The following RNF130 variants were observed in gnomAD, a reference collection of about 807,000 sequenced individuals.
The protein encoded by RNF130 is E3 ubiquitin-protein ligase RNF130.
In RNF130, 21 loss-of-function variants were observed where a neutral mutation model predicts 44.6. The ratio of observed to expected loss-of-function variants is 0.47; its 90% confidence interval spans 0.33 to 0.68. The LOEUF (loss-of-function observed/expected upper bound fraction) is 0.68. RNF130 is among the 30% of genes least tolerant of loss of function. RNF130 has a pLI of 0.02. For missense variants in RNF130, 479 were observed against 560.6 expected, an observed-to-expected ratio of 0.85 and a Z score of 1.47; for synonymous variants, 214 against 210.4, an observed-to-expected ratio of 1.02 and a Z score of -0.15.
chr5:180,016,357 T>C (rs1288047764), intron 2 of RNF130, among the ~76,000 whole-genome samples: 1 of 69,036 alleles, frequency 1.4e-5, no homozygotes, highest in Non-Finnish European at 3.0e-5. Context: ...CCAAAGGAAA[T>C]GTAGGCTTCA....
intron 5 of RNF130, 35 bp downstream of exon 5, chr5:179,978,168 T>C (rs757231867): frequency 1.3e-6 from 2 of 1,537,854 alleles, no homozygotes; most frequent in Non-Finnish European, 1.8e-6. Context: ...AGCACATTAA[T>C]ATCATTCTTT....
chr5:180,030,637 A>C (rs1392928446), intron 2 of RNF130, among the ~76,000 whole-genome samples: 1 of 152,128 alleles, frequency 6.6e-6, no homozygotes, highest in Non-Finnish European at 1.5e-5. Context: ...TCTCCGATGT[A>C]GCTGGGATTA....
chr5:180,016,719 C>G (rs1315125661), intron 2 of RNF130, among the ~76,000 whole-genome samples: 1 of 152,232 alleles, frequency 6.6e-6, no homozygotes, highest in Non-Finnish European at 1.5e-5. Context: ...TTTCCACTTT[C>G]ATCCTGAGAA....
chr5:180,066,219 C>G (rs1235637544), intron 1 of RNF130, among the ~76,000 whole-genome samples: 1 of 152,164 alleles, frequency 6.6e-6, no homozygotes, highest in Non-Finnish European at 1.5e-5. Context: ...CCATACTATT[C>G]TCGTGATAGT....
chr5:179,946,585 G>A (rs1432081394), intron 7 of RNF130, among the ~76,000 whole-genome samples: 14 of 144,760 alleles, frequency 9.7e-5, no homozygotes, highest in African/African-American at 2.1e-4. Context: ...ACGGAGTCTC[G>A]CTCTGTCGCC....
chr5:179,975,944 G>A (rs930843113), intron 5 of RNF130, among the ~76,000 whole-genome samples: 3 of 152,214 alleles, frequency 2.0e-5, no homozygotes, highest in East Asian at 1.9e-4. Flanking sequence ...TAATTAAAGC[G>A]CATATGCCCG....
chr5:180,025,782 T>A (rs1000838334), intron 2 of RNF130, among the ~76,000 whole-genome samples: 3 of 152,168 alleles, frequency 2.0e-5, no homozygotes, highest in Non-Finnish European at 2.9e-5. Context: ...GGTAGTTAAA[T>A]CCATATTCAA....
intron 7 of RNF130, among the ~76,000 whole-genome samples, chr5:179,930,091 CT>C (rs1274530080): frequency 1.3e-5 from 2 of 152,006 alleles, no homozygotes; most frequent in African/African-American, 4.8e-5. Context: ...GAGTCTTACT[CT>C]TGTCGCCCAG....
chr5:179,942,664 T>G (rs1178095757), intron 7 of RNF130, among the ~76,000 whole-genome samples: 1 of 152,232 alleles, frequency 6.6e-6, no homozygotes, highest in African/African-American at 2.4e-5. Context: ...CAGGTTACTA[T>G]GAAGACTGAA....
chr5:180,045,910 G>C (rs997910768), intron 1 of RNF130, among the ~76,000 whole-genome samples: 6 of 152,148 alleles, frequency 3.9e-5, no homozygotes, highest in Non-Finnish European at 5.9e-5. Context: ...CCCAACTCAG[G>C]AGCCCAGCTG....
intron 3 of RNF130, among the ~76,000 whole-genome samples, chr5:180,011,363 C>A (rs1442276577): frequency 6.6e-6 from 1 of 152,118 alleles, no homozygotes; most frequent in African/African-American, 2.4e-5. Context: ...TTGATAACCA[C>A]ACTATGGTTA....
chr5:179,989,278 T>C lies in RNF130; in HGVS notation c.694-9078A>G, dbSNP rs1030749769. Among the ~76,000 whole-genome samples the C allele has an allele frequency of 2.6e-5, 4 of 152,116 alleles. No individual in the cohort carries two copies. In the South Asian group the frequency reaches 6.2e-4, roughly 24 times the overall value. ...CCCACTGGGTCCCTCACATGACACA[T>C]GGGGATTATGGGAACTATAATTCAA... On this transcript the variant is annotated intron_variant, in intron 3 of 8. Coordinates refer to ENST00000521389, the MANE Select transcript of RNF130 (RefSeq NM_018434.6).
chr5:180,066,571 G>A (rs1433311112), intron 1 of RNF130, among the ~76,000 whole-genome samples: 1 of 152,078 alleles, frequency 6.6e-6, no homozygotes, highest in African/African-American at 2.4e-5. Context: ...GCGAGACCCT[G>A]TCTCTATAAA....
chr5:179,980,046 A>T, intron 4 of RNF130, 83 bp downstream of exon 4: 10 of 1,110,436 alleles, frequency 9.0e-6, no homozygotes, highest in African/African-American at 1.5e-5. Flanking sequence ...AAATGTAAAC[A>T]ATTAGGGTGT....
At chr5:179,920,519 C>G (rs1471780613) in intron 7 of RNF130, 2 of 645,284 alleles carry the variant, frequency 3.1e-6, no homozygotes, top group Non-Finnish European at 5.7e-6. Context: ...ATCTTTGAAG[C>G]ATGACATTTT....
intron 5 of RNF130, among the ~76,000 whole-genome samples, chr5:179,973,786 C>T (rs1256444645): frequency 6.6e-6 from 1 of 152,140 alleles, no homozygotes; most frequent in Non-Finnish European, 1.5e-5. Flanking sequence ...AAAAACAGGC[C>T]CGCCACACAC....
At position 179,980,113 on chromosome 5, in the gene RNF130, T is replaced by A; in HGVS notation, c.765+16A>T. 1 of 1,612,542 alleles carries A rather than the reference T, an allele frequency of 6.2e-7. No homozygotes were observed. The highest frequency in any genetic ancestry group is 8.5e-7 in the Non-Finnish European group (1 of 1,178,678). ...TGGATTACTTTTACGGTGCTGAAGTTGTTTCATGACTGTACCTTGTCACCC... is the reference window on the plus strand; with the variant it reads ...TGGATTACTTTTACGGTGCTGAAGTAGTTTCATGACTGTACCTTGTCACCC... On this transcript the variant is annotated intron_variant, in intron 4 of 8. Transcript: ENST00000521389.
chr5:180,052,860 C>A (rs942648025), intron 1 of RNF130, among the ~76,000 whole-genome samples: 1 of 152,090 alleles, frequency 6.6e-6, no homozygotes, highest in African/African-American at 2.4e-5. Flanking sequence ...TCTGAGACGT[C>A]CATAAACCAA....
At chr5:179,998,516 T>C (rs1051320105) in intron 3 of RNF130, among the ~76,000 whole-genome samples, 1 of 152,156 alleles carries the variant, frequency 6.6e-6, no homozygotes, top group African/African-American at 2.4e-5. Context: ...CAGGCTGGTC[T>C]TGAACTCTTG....
Sources: allele counts gnomAD v4.1 joint callset (sites outside exome capture counted in the v4.1 genomes callset), GRCh38; gene constraint gnomAD v4.1.1; transcripts MANE v1.5; gene names NCBI Gene and HGNC (gene_info 2026-07-23, HGNC 2026-07-21).